Variants in SERPINB8 observed in about 807,000 individuals in gnomAD.
The protein encoded by SERPINB8 is serpin B8.
In SERPINB8, 25 loss-of-function variants were observed where a neutral mutation model predicts 35.3. That is an observed-to-expected ratio of 0.71 (90% CI 0.52 to 0.99). SERPINB8 has a LOEUF of 0.99. Among genes scored for constraint, SERPINB8 ranks in the 50% least tolerant of loss-of-function variants. SERPINB8 has a pLI of 0.00. For missense variants in SERPINB8, 484 were observed against 446.5 expected, an observed-to-expected ratio of 1.08 and a Z score of -0.76; for synonymous variants, 186 against 160.8, an observed-to-expected ratio of 1.16 and a Z score of -1.19.
At chr18:63,974,857 G>A (rs147834433) in intron 1 of SERPINB8, among the ~76,000 whole-genome samples, 1 of 152,238 alleles carries the variant, frequency 6.6e-6, no homozygotes, top group Non-Finnish European at 1.5e-5. Context: ...TTGTGTGTGA[G>A]TGTGTGCACA....
At position 63,983,630 on chromosome 18, in the gene SERPINB8, T is replaced by A. The variant is rs761918947; in HGVS notation, c.476T>A (p.Leu159Gln). ...GGGACAGTCGATCCCCTGACAAAGC[T>A]GGTCCTTGTGAATGCCATTTATTTC... ...DAGTVDPLTKLVLVNAIYFKG... is the reference protein window; with the variant it reads ...DAGTVDPLTKQVLVNAIYFKG... The change falls in exon 5 of 7, where the codon CTG (leucine) becomes CAG (glutamine). Residue 159 changes from leucine to glutamine, a missense_variant. Coordinates refer to ENST00000397985, the MANE Select transcript of SERPINB8 (RefSeq NM_002640.4). 1 of 1,613,864 alleles carries A rather than the reference T, an allele frequency of 6.2e-7. No homozygotes were observed. The highest frequency in any genetic ancestry group is 8.5e-7 in the Non-Finnish European group (1 of 1,179,712).
downstream of SERPINB8, among the ~76,000 whole-genome samples, chr18:64,009,174 T>C (rs2050914527): frequency 6.6e-6 from 1 of 152,204 alleles, no homozygotes; most frequent in African/African-American, 2.4e-5. Context: ...AATTATCAAA[T>C]GCTATAGAAT....
At chr18:64,011,008 A>G (rs968565410) in intron 7 of SERPINB8, among the ~76,000 whole-genome samples, 1 of 151,936 alleles carries the variant, frequency 6.6e-6, no homozygotes, top group Admixed American at 6.6e-5. Flanking sequence ...ATATTTCACA[A>G]TAAAAAGAAA....
At position 64,003,012 on chromosome 18, in the gene SERPINB8, C is replaced by T. The variant is rs1225782251; in HGVS notation, c.71-1807C>T. ...TGCCCGGGAGTCCTGCGTTCTTGGCCGTCTGACCGCATTTCCATCTCCTCT... is the reference window on the plus strand; with the variant it reads ...TGCCCGGGAGTCCTGCGTTCTTGGCTGTCTGACCGCATTTCCATCTCCTCT... On this transcript the variant is annotated intron_variant, in intron 1 of 1. Coordinates refer to the SERPINB8 transcript ENST00000493661. 3.9e-5 allele frequency among the ~76,000 whole-genome samples: 6 copies of T among 152,328 alleles called. No individual in the cohort carries two copies. In the East Asian group the frequency reaches 1.2e-3, roughly 29 times the overall value.
chr18:64,009,101 C>T (rs906983511), downstream of SERPINB8, among the ~76,000 whole-genome samples: 2 of 152,126 alleles, frequency 1.3e-5, no homozygotes, highest in Non-Finnish European at 1.5e-5. Context: ...TGCACTAGCT[C>T]AAAAACCTTA....
intron 4 of SERPINB8, among the ~76,000 whole-genome samples, chr18:63,983,213 T>C (rs1486349702): frequency 2.6e-5 from 4 of 152,156 alleles, no homozygotes; most frequent in Non-Finnish European, 4.4e-5. Context: ...TTGGATATGA[T>C]AGTGCCAAGG....
downstream of SERPINB8, among the ~76,000 whole-genome samples, chr18:63,991,068 A>G (rs2050822877): frequency 6.6e-6 from 1 of 152,220 alleles, no homozygotes; most frequent in South Asian, 2.1e-4. Context: ...ATTGGATTCC[A>G]TTGATCTGCT....
At chr18:63,992,965 A>G (rs552425218), downstream of SERPINB8, among the ~76,000 whole-genome samples, 35 of 152,334 alleles carry the variant, frequency 2.3e-4, no homozygotes, top group African/African-American at 7.7e-4. Context: ...GCCTGGTGCC[A>G]GGGAGTGATG....
chr18:64,000,078 A>G (rs1268931814), intron 1 of SERPINB8, among the ~76,000 whole-genome samples: 2 of 152,134 alleles, frequency 1.3e-5, no homozygotes, highest in Non-Finnish European at 2.9e-5. Flanking sequence ...AGCCAAGGAG[A>G]GTCTGTGCCA....
In SERPINB8 at chr18:63,996,788, G is replaced by A. The variant is rs145583209; in HGVS notation, c.71-8031G>A. On this transcript the variant is annotated intron_variant, in intron 1 of 1. Transcript: ENST00000493661. ...ATCTGGGCAAGTGGCACAACATCTC[G>A]TTTAGAGGAGATGACTGCCAAGCTT... 5.9e-3 allele frequency among the ~76,000 whole-genome samples: 892 copies of A among 152,332 alleles called. 2 individuals carry two copies. The highest frequency in any genetic ancestry group is 0.01 in the Middle Eastern group (3 of 294).
chr18:63,998,081 A>G (rs947480421), intron 1 of SERPINB8, among the ~76,000 whole-genome samples: 1 of 152,068 alleles, frequency 6.6e-6, no homozygotes, highest in African/African-American at 2.4e-5. Flanking sequence ...AAGATAATCC[A>G]CCCGCCAGAC....
At chr18:64,003,686 TG>T (rs1243632785) in intron 1 of SERPINB8, among the ~76,000 whole-genome samples, 1 of 152,150 alleles carries the variant, frequency 6.6e-6, no homozygotes, top group Admixed American at 6.5e-5. Flanking sequence ...CCTGAGAACC[TG>T]GAGAGCTGGT....
chr18:64,010,904 TG>T (rs1459575594), intron 7 of SERPINB8, among the ~76,000 whole-genome samples: 1 of 151,904 alleles, frequency 6.6e-6, no homozygotes, highest in African/African-American at 2.4e-5. Flanking sequence ...TTTCTTAAGC[TG>T]GGTAGTGGGT....
downstream of SERPINB8, among the ~76,000 whole-genome samples, chr18:63,993,814 T>C (rs2050835836): frequency 6.6e-6 from 1 of 152,176 alleles, no homozygotes; most frequent in African/African-American, 2.4e-5. Flanking sequence ...CATTGAAGTG[T>C]CCAGTGGGAG....
chr18:64,015,787 G>A (rs1055963501), intron 7 of SERPINB8, among the ~76,000 whole-genome samples: 1 of 152,130 alleles, frequency 6.6e-6, no homozygotes, highest in African/African-American at 2.4e-5. Context: ...TGGGGCCTTT[G>A]AAGTTTCTCT....
chr18:63,979,627 C>T (rs1298570216), intron 2 of SERPINB8, among the ~76,000 whole-genome samples, 174 bp from the exon 3 acceptor site: 1 of 152,140 alleles, frequency 6.6e-6, no homozygotes, highest in African/African-American at 2.4e-5. Context: ...TGTCCTGGCC[C>T]CAAATGTCAA....
chr18:63,986,190 T>C, intron 6 of SERPINB8: 2 of 1,479,716 alleles, frequency 1.4e-6, no homozygotes, highest in Admixed American at 3.5e-5. Context: ...CTCCAGTTGT[T>C]AAAGGGAAGG....
chr18:64,003,809 C>G (rs1476392884), intron 1 of SERPINB8, among the ~76,000 whole-genome samples: 3 of 152,068 alleles, frequency 2.0e-5, no homozygotes, highest in Non-Finnish European at 4.4e-5. Flanking sequence ...CTTTGGTTGA[C>G]TGGAGGGGGG....
rs374709781 is a variant in SERPINB8 at position 63,984,405 on chromosome 18, A to G, written c.567+684A>G. Among the ~76,000 whole-genome samples, 7 of 152,316 alleles carry G rather than the reference A, an allele frequency of 4.6e-5. No homozygotes were observed. The South Asian group carries it at 1.5e-3, about 32-fold the overall frequency. ...GCAACTATGCCTATTTATTGCCTTA[A>G]AAGTCAAAGTTATACAATCCTGAGC... is the stretch of plus-strand genomic sequence containing the variant. On this transcript the variant is annotated intron_variant, in intron 5 of 6. Coordinates refer to ENST00000397985, the MANE Select transcript of SERPINB8 (RefSeq NM_002640.4).
Sources: gnomAD v4.1 joint callset for allele counts (sites outside exome capture counted in the v4.1 genomes callset) on GRCh38, gnomAD v4.1.1 for gene constraint, MANE v1.5 for transcripts, NCBI Gene and HGNC (gene_info 2026-07-23, HGNC 2026-07-21) for gene names.